The following WDFY3 variants were observed in gnomAD, a reference collection of about 807,000 sequenced individuals.
WDFY3 encodes the protein WD repeat and FYVE domain-containing protein 3.
WDFY3 carries 66 observed loss-of-function variants against 409.6 expected under a neutral mutation model. That is an observed-to-expected ratio of 0.16 (90% CI 0.13 to 0.20). The LOEUF (loss-of-function observed/expected upper bound fraction) is 0.20. WDFY3 is among the 10% of genes least tolerant of loss of function. The probability of loss-of-function intolerance (pLI) is 1.00; values close to 1 mark genes in which losing one functional copy is unlikely to be tolerated. For synonymous variants in WDFY3, 1,521 were observed against 1,537.1 expected, an observed-to-expected ratio of 0.99 and a Z score of 0.25; for missense variants, 3,031 against 4,298.1, an observed-to-expected ratio of 0.71 and a Z score of 8.24.
intron 3 of WDFY3, among the ~76,000 whole-genome samples, chr4:84,866,406 C>T (rs1305889402): frequency 6.6e-6 from 1 of 152,154 alleles, no homozygotes; most frequent in East Asian, 1.9e-4. Flanking sequence ...CTGGAACTTC[C>T]AAAAGCTAAA....
intron 13 of WDFY3, among the ~76,000 whole-genome samples, chr4:84,811,332 C>A (rs1752458910): frequency 6.6e-6 from 1 of 152,146 alleles, no homozygotes; most frequent in Non-Finnish European, 1.5e-5. Flanking sequence ...TACAAAATCA[C>A]CTAATATTTT....
rs1553979587 is a variant in WDFY3, at chr4:84,833,688, A to AAAGAGAAGAGAAGAG, written c.577-2098_577-2084dup. On this transcript the variant is annotated intron_variant, in intron 7 of 67. Coordinates refer to ENST00000295888, the MANE Select transcript of WDFY3 (RefSeq NM_014991.6). ...AAAGAAAAGAAAAGAAAAGAAAAGA[A>AAAGAGAAGAGAAGAG]AAGAGAAGAGAAGAGAAGAGAACAG... Among the ~76,000 whole-genome samples the AAAGAGAAGAGAAGAG allele has an allele frequency of 1.8e-3, 268 of 149,602 alleles. 1 individual carries two copies. Among genetic ancestry groups the AAAGAGAAGAGAAGAG allele is most frequent in the South Asian group, 5.0e-3 (24 of 4,762 alleles).
At chr4:84,936,228 C>T (rs1230666857) in intron 1 of WDFY3, among the ~76,000 whole-genome samples, 1 of 152,102 alleles carries the variant, frequency 6.6e-6, no homozygotes, top group South Asian at 2.1e-4. Context: ...TGGGTCTTAT[C>T]ATACTCTTTG....
chr4:84,752,413 G>A (rs1446240092), intron 35 of WDFY3, among the ~76,000 whole-genome samples: 4 of 152,032 alleles, frequency 2.6e-5, no homozygotes, highest in Admixed American at 6.6e-5. Context: ...CTACTCAGGA[G>A]GGTGAGGCAG....
chr4:84,860,644 T>C, intron 3 of WDFY3, 22 bp from the exon 4 acceptor site: 1 of 1,519,952 alleles, frequency 6.6e-7, no homozygotes, highest in Non-Finnish European at 8.9e-7. Context: ...TGTCAATACA[T>C]GAACAGTCAA....
At chr4:84,936,169 G>A (rs572889219) in intron 1 of WDFY3, among the ~76,000 whole-genome samples, 3 of 152,238 alleles carry the variant, frequency 2.0e-5, no homozygotes, top group Admixed American at 6.5e-5. Flanking sequence ...GCCTATCTAT[G>A]TCTTCTGAGT....
At chr4:84,748,364 G>A (rs1739886554) in intron 36 of WDFY3, among the ~76,000 whole-genome samples, 1 of 152,166 alleles carries the variant, frequency 6.6e-6, no homozygotes, top group African/African-American at 2.4e-5. Context: ...GATGTGAAGA[G>A]AATTGAACTT....
In WDFY3 at chr4:84,887,752, T is replaced by G. The variant is rs558329857; in HGVS notation, c.-32+9159A>C. Among the ~76,000 whole-genome samples, 4 of 152,316 alleles carry G rather than the reference T, an allele frequency of 2.6e-5. No individual in the cohort carries two copies. The South Asian group carries it at 8.3e-4, about 32-fold the overall frequency. ...AGCTAAAATTTGAATTCAAGACATA[T>G]AAGTCCAAATCCAGTACTCTTTTAT... On this transcript the variant is annotated intron_variant, in intron 3 of 67. Coordinates refer to ENST00000295888, the MANE Select transcript of WDFY3 (RefSeq NM_014991.6).
At chr4:84,748,794 A>G (rs574108614) in intron 36 of WDFY3, among the ~76,000 whole-genome samples, 5 of 152,326 alleles carry the variant, frequency 3.3e-5, no homozygotes, top group East Asian at 3.9e-4. Context: ...CATAGGACTG[A>G]AGATGCTCTG....
chr4:84,731,172 AC>A (rs2149153947), intron 44 of WDFY3, among the ~76,000 whole-genome samples: 1 of 152,240 alleles, frequency 6.6e-6, no homozygotes, highest in African/African-American at 2.4e-5. Flanking sequence ...GCCATATGTG[AC>A]CTGTGGGCCT....
At chr4:84,831,662 T>C (rs1755757850) in intron 7 of WDFY3, 57 bp from the exon 8 acceptor site, 1 of 1,499,826 alleles carries the variant, frequency 6.7e-7, no homozygotes, top group Non-Finnish European at 9.0e-7. Context: ...AATAATCTGA[T>C]TTAAAAATGG....
chr4:84,932,646 A>G (rs2150968609), intron 1 of WDFY3, among the ~76,000 whole-genome samples: 1 of 152,340 alleles, frequency 6.6e-6, no homozygotes, highest in Non-Finnish European at 1.5e-5. Flanking sequence ...CAATGACAAC[A>G]CAGCTACTTA....
intron 3 of WDFY3, among the ~76,000 whole-genome samples, chr4:84,875,067 A>G (rs970440756): frequency 6.6e-6 from 1 of 152,100 alleles, no homozygotes; most frequent in African/African-American, 2.4e-5. Flanking sequence ...CAGGAATTTG[A>G]GACCAGCCTG....
At chr4:84,843,738 C>T (rs892428833) in intron 5 of WDFY3, among the ~76,000 whole-genome samples, 1 of 152,014 alleles carries the variant, frequency 6.6e-6, no homozygotes, top group Non-Finnish European at 1.5e-5. Context: ...GTAAGCAGCT[C>T]ATTTTAAAAG....
chr4:84,762,741 A>G (rs1742894298), intron 32 of WDFY3, among the ~76,000 whole-genome samples: 1 of 152,196 alleles, frequency 6.6e-6, no homozygotes, highest in Non-Finnish European at 1.5e-5. Flanking sequence ...ACATTTCTGA[A>G]AGATTGGCTT....
In WDFY3 at chr4:84,691,917, T is replaced by A. The variant is rs141426990; in HGVS notation, c.9050-132A>T. 1,646 of 915,608 alleles carry A rather than the reference T, an allele frequency of 1.8e-3. 18 individuals carry two copies. The African/African-American group carries it at 0.024, about 14-fold the overall frequency. The allele number at this position is 915,608 out of a possible 1,614,324, so 56.7% of individuals were successfully genotyped here. On this transcript the variant is annotated intron_variant, in intron 59 of 67. Transcript: ENST00000295888. ...ACCTACGTTGAGAAAAAATGATCTCTGAAATAGAGCTGGGCTTTTGAATCT... is the reference window on the plus strand; with the variant it reads ...ACCTACGTTGAGAAAAAATGATCTCAGAAATAGAGCTGGGCTTTTGAATCT...
At chr4:84,840,985 T>C (rs1009405420) in intron 6 of WDFY3, among the ~76,000 whole-genome samples, 169 bp downstream of exon 6, 1 of 152,170 alleles carries the variant, frequency 6.6e-6, no homozygotes. Context: ...TCAAACTCCT[T>C]GCAGAGATGT....
chr4:84,715,251 C>T, intron 50 of WDFY3, 47 bp downstream of exon 50: 2 of 1,053,084 alleles, frequency 1.9e-6, no homozygotes, highest in Non-Finnish European at 2.8e-6. Context: ...ATTCCCCCTC[C>T]CATATCTTCC....
At chr4:84,693,329 A>G (rs1251546941) in intron 58 of WDFY3, among the ~76,000 whole-genome samples, 1 of 152,214 alleles carries the variant, frequency 6.6e-6, no homozygotes, top group Non-Finnish European at 1.5e-5. Context: ...CAGTTGATTG[A>G]CAATTATTTT....
Sources: gnomAD v4.1 joint callset for allele counts (sites outside exome capture counted in the v4.1 genomes callset) on GRCh38, gnomAD v4.1.1 for gene constraint, MANE v1.5 for transcripts, NCBI Gene and HGNC (gene_info 2026-07-23, HGNC 2026-07-21) for gene names.